ABCB1: variants seen among roughly 807,000 people sequenced by gnomAD.
ABCB1 encodes the protein ATP binding cassette subfamily B member 1.
A neutral mutation model predicts 142.0 loss-of-function variants in ABCB1; 69 were observed. The observed-to-expected ratio is 0.49, with a 90% CI of 0.40 to 0.59. The LOEUF (loss-of-function observed/expected upper bound fraction) is 0.59, where lower values mean the gene tolerates loss of function less well. Among genes scored for constraint, ABCB1 ranks in the 20% least tolerant of loss-of-function variants. The pLI is 0.00. For missense variants in ABCB1, 1,326 were observed against 1,554.7 expected, an observed-to-expected ratio of 0.85 and a Z score of 2.47; for synonymous variants, 532 against 539.2, an observed-to-expected ratio of 0.99 and a Z score of 0.18.
intron 4 of ABCB1, among the ~76,000 whole-genome samples, chr7:87,573,012 T>G (rs1178742314): frequency 6.6e-6 from 1 of 152,178 alleles, no homozygotes; most frequent in East Asian, 1.9e-4. Context: ...CATTTACCTA[T>G]GTAACTATAT....
intron 1 of ABCB1, among the ~76,000 whole-genome samples, chr7:87,667,937 T>C (rs997111632): frequency 2.6e-5 from 4 of 152,152 alleles, no homozygotes; most frequent in Non-Finnish European, 4.4e-5. Flanking sequence ...GATATCAGCC[T>C]GAAATTTTCT....
At chr7:87,646,605 G>T (rs1477531369) in intron 1 of ABCB1, among the ~76,000 whole-genome samples, 1 of 152,110 alleles carries the variant, frequency 6.6e-6, no homozygotes, top group Non-Finnish European at 1.5e-5. Flanking sequence ...AATACATTCA[G>T]AAATTTCCTT....
chr7:87,563,474 G>A, intron 7 of ABCB1: 3 of 395,352 alleles, frequency 7.6e-6, no homozygotes, highest in Non-Finnish European at 1.5e-5. Context: ...CCATGATCAA[G>A]TAGGCTTTAT....
intron 1 of ABCB1, among the ~76,000 whole-genome samples, chr7:87,639,880 A>G (rs187361247): frequency 1.8e-3 from 273 of 151,822 alleles, no homozygotes; most frequent in African/African-American, 6.4e-3. Flanking sequence ...ATTTTAATTA[A>G]CGTTATTACT....
intron 3 of ABCB1, among the ~76,000 whole-genome samples, chr7:87,592,033 T>C (rs1262157655): frequency 6.6e-6 from 1 of 152,126 alleles, no homozygotes; most frequent in Non-Finnish European, 1.5e-5. Context: ...AAATGTCCAC[T>C]GAATGTAGAG....
Position 87,515,213 on chromosome 7 carries a change from A to G in ABCB1, c.3282+18T>C. The G allele has an allele frequency of 6.2e-7, 1 of 1,612,616 alleles. No homozygotes were observed. The highest frequency in any genetic ancestry group is 1.1e-5 in the South Asian group (1 of 90,998). On this transcript the variant is annotated intron_variant, in intron 25 of 27. Coordinates refer to ENST00000622132, the MANE Select transcript of ABCB1 (RefSeq NM_001348946.2). ...ATGATGAAAACCTGAACTGAGCTAA[A>G]TGTGAAAGTGTGCTCACCACTTTCC...
intron 1 of ABCB1, among the ~76,000 whole-genome samples, chr7:87,673,777 A>G (rs970560194): frequency 6.6e-6 from 1 of 152,198 alleles, no homozygotes; most frequent in Non-Finnish European, 1.5e-5. Context: ...GGAGGTAATA[A>G]GACACTCTGG....
At chr7:87,572,596 A>G (rs1818095682) in intron 4 of ABCB1, among the ~76,000 whole-genome samples, 1 of 152,212 alleles carries the variant, frequency 6.6e-6, no homozygotes, top group Non-Finnish European at 1.5e-5. Context: ...TATTATAAAG[A>G]CACATGCATG....
intron 1 of ABCB1, among the ~76,000 whole-genome samples, chr7:87,686,747 C>A (rs1827498937): frequency 6.6e-6 from 1 of 150,502 alleles, no homozygotes; most frequent in Non-Finnish European, 1.5e-5. Context: ...TGAGACCCAC[C>A]TGGGCAACAT....
At chr7:87,569,159 C>A (rs1181798491) in intron 5 of ABCB1, among the ~76,000 whole-genome samples, 1 of 151,792 alleles carries the variant, frequency 6.6e-6, no homozygotes, top group Non-Finnish European at 1.5e-5. Flanking sequence ...ATGGTGAAAC[C>A]CCATCTCTAC....
At chr7:87,550,973 A>G (rs1817039501) in intron 9 of ABCB1, 135 bp from the exon 10 acceptor site, 1 of 660,710 alleles carries the variant, frequency 1.5e-6, no homozygotes, top group Admixed American at 2.6e-5. Context: ...CTAGGTGTTA[A>G]AAATATTTTA....
intron 1 of ABCB1, chr7:87,629,156 T>TACCTTCA: frequency 4.8e-6 from 2 of 414,702 alleles, no homozygotes; most frequent in Non-Finnish European, 8.4e-6. Flanking sequence ...TCAGTTCCAG[T>TACCTTCA]GCTGAAGGTA....
chr7:87,551,371 T>A (rs928608509), intron 9 of ABCB1, among the ~76,000 whole-genome samples: 11 of 152,348 alleles, frequency 7.2e-5, no homozygotes, highest in African/African-American at 2.6e-4. Flanking sequence ...GAGATAGATA[T>A]GTTAATTAGC....
intron 5 of ABCB1, among the ~76,000 whole-genome samples, chr7:87,569,579 T>C (rs1817948376): frequency 6.6e-6 from 1 of 151,940 alleles, no homozygotes; most frequent in Non-Finnish European, 1.5e-5. Flanking sequence ...GATGTTGAGT[T>C]TAAAAAAAAT....
chr7:87,530,251 T>C (rs964930279), intron 21 of ABCB1, among the ~76,000 whole-genome samples: 1 of 152,216 alleles, frequency 6.6e-6, no homozygotes, highest in African/African-American at 2.4e-5. Flanking sequence ...ATGTTAGTTA[T>C]GGCAGTCAGC....
At chr7:87,549,787 T>G in intron 13 of ABCB1, 64 bp downstream of exon 13, 1 of 1,553,976 alleles carries the variant, frequency 6.4e-7, no homozygotes, top group South Asian at 1.1e-5. Flanking sequence ...CCTAACTTCC[T>G]GCATAGTAGG....
intron 11 of ABCB1, 55 bp from the exon 12 acceptor site, chr7:87,550,351 G>A (rs1481205658): frequency 6.2e-7 from 1 of 1,612,788 alleles, no homozygotes; most frequent in African/African-American, 1.3e-5. Context: ...ACAGGATATA[G>A]GAACTGACTG....
At chr7:87,634,043 A>G (rs906433387) in intron 1 of ABCB1, among the ~76,000 whole-genome samples, 1 of 152,086 alleles carries the variant, frequency 6.6e-6, no homozygotes, top group African/African-American at 2.4e-5. Flanking sequence ...GCAGGTGTGA[A>G]GAGAGACCAA....
chr7:87,544,057 C>T, intron 17 of ABCB1, 72 bp downstream of exon 17: 4 of 1,575,632 alleles, frequency 2.5e-6, no homozygotes, highest in Non-Finnish European at 3.5e-6. Context: ...CCAGTTCAGA[C>T]ACAAGCACTT....
Sources: gnomAD v4.1 joint callset for allele counts (sites outside exome capture counted in the v4.1 genomes callset) on GRCh38, gnomAD v4.1.1 for gene constraint, MANE v1.5 for transcripts, NCBI Gene and HGNC (gene_info 2026-07-23, HGNC 2026-07-21) for gene names.